RASGRF2: variants seen among roughly 807,000 people sequenced by gnomAD.
RASGRF2 encodes ras-specific guanine nucleotide-releasing factor 2.
RASGRF2 carries 76 observed loss-of-function variants against 151.0 expected under a neutral mutation model. The observed-to-expected ratio is 0.50, with a 90% CI of 0.42 to 0.61. The LOEUF (loss-of-function observed/expected upper bound fraction) is 0.61, where lower values mean the gene tolerates loss of function less well. Ranked by LOEUF, RASGRF2 falls within the 20% of genes least tolerant of loss-of-function variation. The pLI, the probability that RASGRF2 is intolerant of heterozygous loss-of-function variation, is 0.00. For synonymous variants in RASGRF2, 504 were observed against 566.5 expected, an observed-to-expected ratio of 0.89 and a Z score of 1.57; for missense variants, 1,148 against 1,564.6, an observed-to-expected ratio of 0.73 and a Z score of 4.49.
chr5:81,157,875 G>A (rs1754299406), intron 17 of RASGRF2, among the ~76,000 whole-genome samples: 1 of 152,166 alleles, frequency 6.6e-6, no homozygotes, highest in South Asian at 2.1e-4. Context: ...TAGGGTTTAT[G>A]GGGATTACAA....
At chr5:81,003,397 G>C (rs1168732456) in intron 1 of RASGRF2, among the ~76,000 whole-genome samples, 1 of 152,016 alleles carries the variant, frequency 6.6e-6, no homozygotes, top group East Asian at 1.9e-4. Flanking sequence ...TAATTTTTTT[G>C]TATTTTTAGT....
intron 18 of RASGRF2, among the ~76,000 whole-genome samples, chr5:81,184,477 GACCA>G (rs1043263906): frequency 6.6e-6 from 1 of 152,252 alleles, no homozygotes; most frequent in Non-Finnish European, 1.5e-5. Flanking sequence ...TTACCGTATT[GACCA>G]ACCAATTCTG....
chr5:81,196,484 A>G (rs1755267318), intron 18 of RASGRF2, among the ~76,000 whole-genome samples: 2 of 152,184 alleles, frequency 1.3e-5, no homozygotes, highest in Non-Finnish European at 2.9e-5. Context: ...GTCTTGGCAG[A>G]TTTCATTAAG....
intron 2 of RASGRF2, among the ~76,000 whole-genome samples, chr5:81,065,995 C>G (rs1400781777): frequency 1.3e-5 from 2 of 152,084 alleles, no homozygotes; most frequent in Non-Finnish European, 2.9e-5. Flanking sequence ...ACTGGACCTG[C>G]CTTTCTCTTT....
chr5:81,190,274 A>C (rs1755128601), intron 18 of RASGRF2, among the ~76,000 whole-genome samples: 1 of 152,148 alleles, frequency 6.6e-6, no homozygotes, highest in Non-Finnish European at 1.5e-5. Flanking sequence ...CCTTATCTTT[A>C]CGGCAGTGCT....
intron 1 of RASGRF2, among the ~76,000 whole-genome samples, chr5:80,987,740 TCA>T (rs1748517610): frequency 6.6e-6 from 1 of 152,298 alleles, no homozygotes; most frequent in African/African-American, 2.4e-5. Flanking sequence ...AAATAGCTCA[TCA>T]CAGTTTCATA....
intron 1 of RASGRF2, among the ~76,000 whole-genome samples, chr5:81,042,412 A>G (rs1319332837): frequency 6.6e-6 from 1 of 152,234 alleles, no homozygotes; most frequent in Non-Finnish European, 1.5e-5. Context: ...AAATGGCAGC[A>G]ATTGGACTGC....
At chr5:81,088,752 C>T (rs12656660) in intron 9 of RASGRF2, among the ~76,000 whole-genome samples, 2 of 151,954 alleles carry the variant, frequency 1.3e-5, no homozygotes, top group African/African-American at 2.4e-5. Context: ...TGCTAAAAAA[C>T]GTAAACTTTT....
chr5:81,039,339 CATA>C (rs1311058608), intron 1 of RASGRF2, among the ~76,000 whole-genome samples: 1 of 151,912 alleles, frequency 6.6e-6, no homozygotes, highest in Non-Finnish European at 1.5e-5. Flanking sequence ...ATAGAAGAGA[CATA>C]ATAAGTAAAC....
intron 1 of RASGRF2, among the ~76,000 whole-genome samples, chr5:81,032,714 G>A (rs1436743195): frequency 2.0e-5 from 3 of 149,612 alleles, no homozygotes; most frequent in Non-Finnish European, 3.0e-5. Flanking sequence ...AAACCTGGAA[G>A]CATTCCCTTT....
chr5:80,962,046 C>A (rs1243798183), intron 1 of RASGRF2, among the ~76,000 whole-genome samples: 1 of 152,130 alleles, frequency 6.6e-6, no homozygotes, highest in Non-Finnish European at 1.5e-5. Context: ...TACCGCACAC[C>A]ACAGAGGCTG....
chr5:81,058,970 T>TGGGGAC (rs1751322299), intron 2 of RASGRF2, among the ~76,000 whole-genome samples: 1 of 152,112 alleles, frequency 6.6e-6, no homozygotes, highest in Non-Finnish European at 1.5e-5. Context: ...AGGCCTGGAC[T>TGGGGAC]TGTCTGTAAT....
At chr5:81,169,241 G>A (rs1321744884) in intron 17 of RASGRF2, among the ~76,000 whole-genome samples, 2 of 152,032 alleles carry the variant, frequency 1.3e-5, no homozygotes, top group Non-Finnish European at 1.5e-5. Flanking sequence ...CCTGAACAGT[G>A]GAGCCATTCC....
chr5:81,016,994 C>T (rs935517593), intron 1 of RASGRF2, among the ~76,000 whole-genome samples: 3 of 152,200 alleles, frequency 2.0e-5, no homozygotes, highest in African/African-American at 7.2e-5. Flanking sequence ...TATGACCACA[C>T]TGGGTCGTAC....
intron 12 of RASGRF2, among the ~76,000 whole-genome samples, chr5:81,096,805 T>C (rs462914): frequency 0.26 from 39,131 of 151,774 alleles, 5,171 homozygotes; most frequent in Admixed American, 0.31. Flanking sequence ...TTATACTAGA[T>C]GTTAAGGTAG....
intron 18 of RASGRF2, among the ~76,000 whole-genome samples, chr5:81,196,349 C>G (rs1338241612): frequency 1.3e-5 from 2 of 152,160 alleles, no homozygotes; most frequent in African/African-American, 4.8e-5. Context: ...TTATGGATGG[C>G]AAAAATTCTT....
In RASGRF2 at chr5:81,073,340, G is replaced by A. The variant is rs772947434; in HGVS notation, c.775G>A (p.Val259Ile). 6.8e-6 allele frequency: 11 copies of A among 1,614,118 alleles called. No individual in the cohort carries two copies. Among genetic ancestry groups the A allele is most frequent in the Admixed American group, 6.7e-5 (4 of 60,012 alleles). ...FTMVEAESEY[V>I]HQLYILVNGF... Reference sequence around the variant, plus strand: ...CATGGTGGAGGCAGAGTCAGAGTACGTTCACCAGCTCTACATCCTGGTCAA... The same window carrying A: ...CATGGTGGAGGCAGAGTCAGAGTACATTCACCAGCTCTACATCCTGGTCAA... Residue 259 changes from valine to isoleucine, a missense_variant, in exon 5 of 27, where the codon GTT becomes ATT. Val to Ile is a conservative substitution (Grantham distance 29). Around this residue, in one of 5 missense-constraint regions of RASGRF2, gnomAD observed 176 missense variants for 309.6 expected, o/e 0.57. Coordinates refer to ENST00000265080, the MANE Select transcript of RASGRF2 (RefSeq NM_006909.3).
In RASGRF2 at chr5:81,010,153, C is replaced by CAA. The variant is rs10942939; in HGVS notation, c.289-32712_289-32711dup. Among the ~76,000 whole-genome samples the CAA allele has an allele frequency of 7.5e-3, 980 of 130,608 alleles. 11 individuals carry two copies. The highest frequency in any genetic ancestry group is 0.026 in the African/African-American group (941 of 36,042). The allele number at this position is 130,608 out of a possible 152,430, so 85.7% of individuals were successfully genotyped here. A position where few individuals can be genotyped will look rare whatever the true frequency, so the allele number is the denominator to read the frequency against. On this transcript the variant is annotated intron_variant, in intron 1 of 26. Transcript: ENST00000265080. ...TGAGTGACAGAGTGAGATTTCATCTCAAAAAAAAAAAAAGAAAAAGAAAAT... is the reference window on the plus strand; with the variant it reads ...TGAGTGACAGAGTGAGATTTCATCTCAAAAAAAAAAAAAAAGAAAAAGAAAAT...
chr5:81,228,636 A>C lies in RASGRF2; in HGVS notation c.*2866A>C, dbSNP rs1359715776. The C allele has an allele frequency of 6.6e-6, 1 of 152,192 alleles. No individual in the cohort carries two copies. Among genetic ancestry groups the C allele is most frequent in the South Asian group, 2.1e-4 (1 of 4,832 alleles). 9.4% of individuals were successfully genotyped at this position (152,192 alleles called of 1,614,324 possible). A position where few individuals can be genotyped will look rare whatever the true frequency, so the allele number is the denominator to read the frequency against. ...TTCATGCTTTCGAATGAATGCCCAC[A>C]TTTTGTACTGTCAACGAAATTATCT... On this transcript the variant is annotated 3_prime_UTR_variant, in exon 27 of 27. Transcript: ENST00000265080.
Sources: gnomAD v4.1 joint callset for allele counts (sites outside exome capture counted in the v4.1 genomes callset) on GRCh38, gnomAD v4.1.1 for gene constraint, gnomAD v4.1.1 regional missense constraint, MANE v1.5 for transcripts, NCBI Gene and HGNC (gene_info 2026-07-23, HGNC 2026-07-21) for gene names.